The following COLEC11 variants were observed in gnomAD, a reference collection of about 807,000 sequenced individuals.
COLEC11 encodes collectin-11.
In COLEC11, 20 loss-of-function variants were observed where a neutral mutation model predicts 27.3. The observed-to-expected ratio is 0.73, with a 90% confidence interval of 0.51 to 1.06. COLEC11 has a LOEUF of 1.06. COLEC11 is among the 50% of genes least tolerant of loss of function. The probability of loss-of-function intolerance (pLI) is 0.00; values close to 1 mark genes in which losing one functional copy is unlikely to be tolerated. For missense variants in COLEC11, 310 were observed against 383.0 expected (o/e 0.81, Z 1.59); for synonymous variants, 163 against 154.7 (o/e 1.05, Z -0.40).
intron 3 of COLEC11, among the ~76,000 whole-genome samples, chr2:3,613,834 A>G (rs1467331403): frequency 1.3e-5 from 2 of 152,174 alleles, no homozygotes; most frequent in East Asian, 3.8e-4. Context: ...TGGGAGCTAG[A>G]TCATACGTGT....
At chr2:3,625,926 C>A in intron 3 of COLEC11, 2 of 1,258,744 alleles carry the variant, frequency 1.6e-6, no homozygotes, top group East Asian at 2.3e-5. Context: ...AGCCGCCATA[C>A]CTGGCAGACT....
intron 2 of COLEC11, among the ~76,000 whole-genome samples, chr2:3,606,823 G>A (rs1313325180): frequency 6.6e-6 from 1 of 152,204 alleles, no homozygotes; most frequent in Non-Finnish European, 1.5e-5. Flanking sequence ...CATCCCTGCC[G>A]GCCCCAGCAT....
At chr2:3,633,683 T>C (rs990477792) in intron 3 of COLEC11, among the ~76,000 whole-genome samples, 1 of 152,054 alleles carries the variant, frequency 6.6e-6, no homozygotes, top group African/African-American at 2.4e-5. Flanking sequence ...AGCATAAACA[T>C]TGAGGCTGTC....
intron 3 of COLEC11, among the ~76,000 whole-genome samples, chr2:3,616,788 G>A (rs1663785810): frequency 6.6e-6 from 1 of 151,992 alleles, no homozygotes; most frequent in African/African-American, 2.4e-5. Flanking sequence ...AGAGGGAGAG[G>A]GAGACCGTGG....
At chr2:3,642,780 C>T (rs897589888) in intron 5 of COLEC11, among the ~76,000 whole-genome samples, 2 of 152,188 alleles carry the variant, frequency 1.3e-5, no homozygotes, top group East Asian at 1.9e-4. Flanking sequence ...CCTGTGGGCG[C>T]GGCCTGCCTT....
intron 2 of COLEC11, among the ~76,000 whole-genome samples, chr2:3,607,475 TTCTC>T (rs1269902955): frequency 1.7e-4 from 18 of 105,308 alleles, no homozygotes; most frequent in African/African-American, 5.1e-4. Flanking sequence ...GAGATGGAGT[TTCTC>T]TCTTGTTGCC....
At chr2:3,640,702 C>T (rs1476940660) in intron 5 of COLEC11, among the ~76,000 whole-genome samples, 1 of 22,326 alleles carries the variant, frequency 4.5e-5, no homozygotes, top group Non-Finnish European at 7.1e-5. Flanking sequence ...CACCCACCCC[C>T]GTCACATCCC....
At chr2:3,623,496 TTTCTC>T (rs1664318474) in intron 3 of COLEC11, among the ~76,000 whole-genome samples, 1 of 152,154 alleles carries the variant, frequency 6.6e-6, no homozygotes, top group Admixed American at 6.5e-5. Context: ...CCTTTTTTCT[TTTCTC>T]TTCTCTGATT....
At chr2:3,606,228 CCCT>C in intron 2 of COLEC11, 1 of 1,550,450 alleles carries the variant, frequency 6.4e-7, no homozygotes, top group Non-Finnish European at 8.7e-7. Flanking sequence ...CGGTTGTCTT[CCCT>C]GCGCCCTGCC....
intron 5 of COLEC11, 65 bp from the exon 6 acceptor site, chr2:3,643,379 C>T (rs1335286546): frequency 7.3e-7 from 1 of 1,362,352 alleles, no homozygotes; most frequent in Non-Finnish European, 1.1e-6. Flanking sequence ...GGGAGGGGTC[C>T]TCGCCTCTCT....
intron 3 of COLEC11, among the ~76,000 whole-genome samples, chr2:3,632,186 G>A (rs945241574): frequency 3.3e-5 from 5 of 152,316 alleles, no homozygotes; most frequent in Non-Finnish European, 5.9e-5. Flanking sequence ...TTCATGGGTG[G>A]AGCACTGAGA....
chr2:3,605,146 G>A (rs931584880), intron 2 of COLEC11: 5 of 463,746 alleles, frequency 1.1e-5, no homozygotes, highest in Non-Finnish European at 1.8e-5. Flanking sequence ...GCCTGGGGGA[G>A]CCCGGTGTGA....
chr2:3,628,114 C>T (rs17017771), intron 3 of COLEC11, among the ~76,000 whole-genome samples: 2,881 of 152,326 alleles, frequency 0.019, 73 homozygotes, highest in African/African-American at 0.058. Flanking sequence ...TGAGACCTGA[C>T]GTTTGGAAGG....
At chr2:3,627,552 CTG>C in intron 3 of COLEC11, among the ~76,000 whole-genome samples, 1 of 148,724 alleles carries the variant, frequency 6.7e-6, no homozygotes, top group East Asian at 2.0e-4. Context: ...GGGCATGACA[CTG>C]GGCATGATGA....
At chr2:3,621,298 GT>G (rs1225458637) in intron 3 of COLEC11, among the ~76,000 whole-genome samples, 3 of 152,278 alleles carry the variant, frequency 2.0e-5, no homozygotes, top group South Asian at 2.1e-4. Flanking sequence ...CTTGGCTACA[GT>G]TTTTGACATA....
intron 3 of COLEC11, among the ~76,000 whole-genome samples, chr2:3,614,805 C>A (rs566522747): frequency 3.3e-4 from 51 of 152,292 alleles, no homozygotes; most frequent in African/African-American, 1.2e-3. Context: ...CATACCAAGA[C>A]AACTGACTTT....
chr2:3,637,056 G>C (rs1665469658), intron 3 of COLEC11, among the ~76,000 whole-genome samples: 1 of 152,210 alleles, frequency 6.6e-6, no homozygotes, highest in South Asian at 2.1e-4. Flanking sequence ...CACCCGAGAG[G>C]AGCCAGGGGC....
intron 2 of COLEC11, among the ~76,000 whole-genome samples, chr2:3,609,352 ATTTTTTTT>A (rs567474674): frequency 2.3e-5 from 2 of 87,490 alleles, no homozygotes; most frequent in East Asian, 3.1e-4. Flanking sequence ...TTTTTCTTTG[ATTTTTTTT>A]TTTTTTTTTT....
At position 3,633,884 on chromosome 2, in the gene COLEC11, C is replaced by T. The variant is rs144511653; in HGVS notation, c.203-3649C>T. On this transcript the variant is annotated intron_variant, in intron 3 of 6. Transcript: ENST00000349077. ...GGAGGCCCGAGGAAGACACATGTTT[C>T]CTGCGCAGACAGGGCCTGGGACAAC... Among the ~76,000 whole-genome samples the T allele has an allele frequency of 3.6e-3, 547 of 152,310 alleles. 5 individuals are homozygous for T. The highest frequency in any genetic ancestry group is 0.012 in the African/African-American group (518 of 41,558).
Sources: allele counts gnomAD v4.1 joint callset (sites outside exome capture counted in the v4.1 genomes callset), GRCh38; gene constraint gnomAD v4.1.1; transcripts MANE v1.5; gene names NCBI Gene and HGNC (gene_info 2026-07-23, HGNC 2026-07-21).